The following DPP10 variants were observed in gnomAD, a reference collection of about 807,000 sequenced individuals.
The protein encoded by DPP10 is inactive dipeptidyl peptidase 10.
A neutral mutation model predicts 120.9 loss-of-function variants in DPP10; 33 were observed. The ratio of observed to expected loss-of-function variants is 0.27; its 90% CI spans 0.21 to 0.37. The LOEUF is 0.37. Among genes scored for constraint, DPP10 ranks in the 10% least tolerant of loss-of-function variants. DPP10 has a pLI of 1.00. For missense variants in DPP10, 816 were observed against 942.8 expected (o/e 0.87, Z 1.76); for synonymous variants, 337 against 326.1 (o/e 1.03, Z -0.36).
chr2:115,387,063 A>T (rs1263775436), intron 3 of DPP10, among the ~76,000 whole-genome samples: 1 of 152,124 alleles, frequency 6.6e-6, no homozygotes, highest in Admixed American at 6.5e-5. Context: ...CATATGATGA[A>T]GTAGAGAGGG....
chr2:114,713,563 A>C (rs2105875555), intron 1 of DPP10, among the ~76,000 whole-genome samples: 1 of 152,334 alleles, frequency 6.6e-6, no homozygotes, highest in South Asian at 2.1e-4. Flanking sequence ...TACTTTGAGC[A>C]GTATGTCACT....
At chr2:114,909,671 C>T (rs922337318) in intron 1 of DPP10, among the ~76,000 whole-genome samples, 1 of 151,934 alleles carries the variant, frequency 6.6e-6, no homozygotes, top group East Asian at 1.9e-4. Flanking sequence ...TGAGTTGGGA[C>T]TAGAATTCAC....
chr2:115,449,218 T>G (rs1341298390), intron 3 of DPP10, among the ~76,000 whole-genome samples: 1 of 152,104 alleles, frequency 6.6e-6, no homozygotes, highest in Non-Finnish European at 1.5e-5. Flanking sequence ...AGTTAATAAA[T>G]TTTGGAAAAC....
At chr2:115,546,317 G>A (rs749841381) in intron 5 of DPP10, among the ~76,000 whole-genome samples, 9 of 152,192 alleles carry the variant, frequency 5.9e-5, no homozygotes, top group East Asian at 1.9e-4. Flanking sequence ...GTATGTATAC[G>A]TAAGTGTATA....
chr2:114,564,033 G>A (rs956061141), intron 1 of DPP10, among the ~76,000 whole-genome samples: 3 of 152,174 alleles, frequency 2.0e-5, no homozygotes, highest in Non-Finnish European at 4.4e-5. Flanking sequence ...TGGCCACAAT[G>A]TCCTCCTTCG....
At chr2:115,695,366 A>G (rs2091527172) in intron 7 of DPP10, among the ~76,000 whole-genome samples, 1 of 152,200 alleles carries the variant, frequency 6.6e-6, no homozygotes, top group Non-Finnish European at 1.5e-5. Context: ...CAGCTAATAA[A>G]GACATGCCTG....
chr2:114,780,314 T>G (rs759898458), intron 1 of DPP10, among the ~76,000 whole-genome samples: 1 of 152,112 alleles, frequency 6.6e-6, no homozygotes, highest in African/African-American at 2.4e-5. Context: ...AGAAAACAAG[T>G]GACAAATTAT....
intron 1 of DPP10, among the ~76,000 whole-genome samples, chr2:115,245,249 G>A (rs953705754): frequency 1.3e-5 from 2 of 151,948 alleles, no homozygotes; most frequent in African/African-American, 4.8e-5. Flanking sequence ...ATTGGTGAAT[G>A]GGCATTTAGG....
intron 1 of DPP10, chr2:114,707,086 C>T (rs1405769956): frequency 6.6e-6 from 1 of 152,112 alleles, no homozygotes; most frequent in Non-Finnish European, 1.5e-5. Flanking sequence ...CCGTCACACG[C>T]TTTTTCATCC....
chr2:114,588,619 T>A (rs1691195616), intron 1 of DPP10, among the ~76,000 whole-genome samples: 1 of 152,218 alleles, frequency 6.6e-6, no homozygotes, highest in Admixed American at 6.5e-5. Flanking sequence ...ATGTATACCA[T>A]AAATATGTAC....
At chr2:115,369,332 T>G (rs1417487732) in intron 3 of DPP10, among the ~76,000 whole-genome samples, 4 of 152,006 alleles carry the variant, frequency 2.6e-5, no homozygotes, top group Non-Finnish European at 4.4e-5. Flanking sequence ...AAAGTAGAAG[T>G]TTAGATTATT....
chr2:115,115,122 A>G (rs2049432100), intron 1 of DPP10, among the ~76,000 whole-genome samples: 1 of 151,908 alleles, frequency 6.6e-6, no homozygotes, highest in Non-Finnish European at 1.5e-5. Flanking sequence ...CACATCGGAG[A>G]CCTACGGGGA....
intron 1 of DPP10, among the ~76,000 whole-genome samples, chr2:114,505,442 T>C (rs997588117): frequency 6.6e-6 from 1 of 152,052 alleles, no homozygotes; most frequent in African/African-American, 2.4e-5. Flanking sequence ...AGAGCACCTT[T>C]CTCAAATGAA....
chr2:114,790,571 G>T (rs900083778), intron 1 of DPP10, among the ~76,000 whole-genome samples: 1 of 152,118 alleles, frequency 6.6e-6, no homozygotes, highest in Admixed American at 6.5e-5. Flanking sequence ...CGAAAAGAGA[G>T]TCCGCAAAGG....
intron 1 of DPP10, among the ~76,000 whole-genome samples, chr2:114,680,274 T>C (rs1449555994): frequency 6.6e-6 from 1 of 152,046 alleles, no homozygotes; most frequent in Non-Finnish European, 1.5e-5. Context: ...CGTTATTTCA[T>C]GATGTTTATG....
intron 1 of DPP10, among the ~76,000 whole-genome samples, chr2:114,896,997 G>A (rs1281299710): frequency 6.6e-6 from 1 of 152,146 alleles, no homozygotes; most frequent in African/African-American, 2.4e-5. Flanking sequence ...AGATAATCAT[G>A]TGGTTTTTGT....
rs533778480 is a variant in DPP10 at position 114,582,199 on chromosome 2, G to A, written c.60+139361G>A. ...GCCTTTTCCAGAATGTCATATAGTT[G>A]GAATCATATGATTGGCTTCTTTCAC... On this transcript the variant is annotated intron_variant, in intron 1 of 25. Coordinates refer to ENST00000410059, the MANE Select transcript of DPP10 (RefSeq NM_020868.6). Among the ~76,000 whole-genome samples the A allele has an allele frequency of 1.9e-3, 285 of 152,130 alleles. 2 individuals carry two copies. Among genetic ancestry groups the A allele is most frequent in the African/African-American group, 6.6e-3 (274 of 41,508 alleles).
chr2:115,129,739 G>A (rs1306927830), intron 1 of DPP10, among the ~76,000 whole-genome samples: 1 of 152,116 alleles, frequency 6.6e-6, no homozygotes, highest in African/African-American at 2.4e-5. Context: ...ACTTCTCATA[G>A]TGTTGTCAGG....
chr2:115,346,870 C>G (rs2106277535), intron 3 of DPP10, among the ~76,000 whole-genome samples: 1 of 152,264 alleles, frequency 6.6e-6, no homozygotes, highest in South Asian at 2.1e-4. Context: ...CTGCTTTACT[C>G]ATTATGCTTA....
Sources: gnomAD v4.1 joint callset for allele counts (sites outside exome capture counted in the v4.1 genomes callset) on GRCh38, gnomAD v4.1.1 for gene constraint, MANE v1.5 for transcripts, NCBI Gene and HGNC (gene_info 2026-07-23, HGNC 2026-07-21) for gene names.